Variants in CCDC127 observed in about 807,000 individuals in gnomAD.
CCDC127 encodes the protein coiled-coil domain-containing protein 127.
A neutral mutation model predicts 4.1 loss-of-function variants in CCDC127; 2 were observed. The ratio of observed to expected loss-of-function variants is 0.49; its 90% CI spans 0.20 to 1.53. CCDC127 has a LOEUF of 1.53. Among genes scored for constraint, CCDC127 ranks in the 40% most tolerant of loss-of-function variants. The probability of loss-of-function intolerance (pLI) is 0.23; values close to 1 mark genes in which losing one functional copy is unlikely to be tolerated. For synonymous variants in CCDC127, 98 were observed against 120.4 expected, an observed-to-expected ratio of 0.81 and a Z score of 1.22; for missense variants, 271 against 322.9, an observed-to-expected ratio of 0.84 and a Z score of 1.23.
Position 197,453 on chromosome 5 carries a change from G to A in CCDC127, c.*7844C>T, listed in dbSNP as rs1733983024. On this transcript the variant is annotated 3_prime_UTR_variant, in exon 3 of 3. Transcript: ENST00000296824. ...ACCGTGGACAATACCCGGCTTTCAA[G>A]GGCAGAGGTCCCTGCGGCTTTCCGC... The A allele has an allele frequency of 6.6e-6, 1 of 152,254 alleles. No homozygotes were observed. Among genetic ancestry groups the A allele is most frequent in the African/African-American group, 2.4e-5 (1 of 41,448 alleles). The allele number at this position is 152,254 out of a possible 1,614,324, so 9.4% of individuals were successfully genotyped here.
intron 2 of CCDC127, among the ~76,000 whole-genome samples, chr5:207,822 A>T (rs1274336530): frequency 1.3e-5 from 2 of 152,164 alleles, no homozygotes; most frequent in African/African-American, 4.8e-5. Flanking sequence ...CCGAATCAAG[A>T]GGAGACAGGG....
At position 196,941 on chromosome 5, in the gene CCDC127, A is replaced by C. The variant is rs1733955784; in HGVS notation, c.*8356T>G. On this transcript the variant is annotated 3_prime_UTR_variant, in exon 3 of 3. Transcript: ENST00000296824. Reference sequence around the variant, plus strand: ...GGACCTGCACTGGCACCGGCCTCTGAGTTCCCTCAGTTTTTATTATTATTT... The same window carrying C: ...GGACCTGCACTGGCACCGGCCTCTGCGTTCCCTCAGTTTTTATTATTATTT... The C allele has an allele frequency of 4.0e-5, 3 of 75,840 alleles. No individual in the cohort carries two copies. Among genetic ancestry groups the C allele is most frequent in the African/African-American group, 1.2e-4 (3 of 24,934 alleles). 4.7% of individuals were successfully genotyped at this position (75,840 alleles called of 1,614,324 possible). A position where few individuals can be genotyped will look rare whatever the true frequency, so the allele number is the denominator to read the frequency against.
At chr5:213,894 G>A (rs752848337) in intron 2 of CCDC127, 3 of 152,178 alleles carry the variant, frequency 2.0e-5, no homozygotes, top group Non-Finnish European at 4.4e-5. Context: ...ACCTACACAA[G>A]AATGTTTATA....
At chr5:213,892 A>T (rs1006867396) in intron 2 of CCDC127, 1 of 152,242 alleles carries the variant, frequency 6.6e-6, no homozygotes, top group Admixed American at 6.5e-5. Context: ...AAACCTACAC[A>T]AGAATGTTTA....
intron 2 of CCDC127, chr5:215,876 A>G (rs1274677039): frequency 1.3e-5 from 2 of 152,174 alleles, no homozygotes; most frequent in African/African-American, 2.4e-5. Context: ...ACTCCTCTGC[A>G]TCAGTGAATT....
At chr5:216,460 C>A (rs1428984007) in intron 2 of CCDC127, 1 of 235,096 alleles carries the variant, frequency 4.3e-6, no homozygotes, top group Non-Finnish European at 8.9e-6. Flanking sequence ...TTAAAACCCA[C>A]CCCACACAAA....
intron 2 of CCDC127, chr5:214,080 C>T (rs371777295): frequency 3.3e-4 from 51 of 152,290 alleles, no homozygotes; most frequent in African/African-American, 1.1e-3. Flanking sequence ...TGAAAAAAGT[C>T]AACCCGAAAG....
At chr5:208,875 G>A (rs1040414059) in intron 2 of CCDC127, among the ~76,000 whole-genome samples, 2 of 152,210 alleles carry the variant, frequency 1.3e-5, no homozygotes, top group Admixed American at 1.3e-4. Context: ...AGTACCAAGG[G>A]CCAGGACGGG....
intron 2 of CCDC127, among the ~76,000 whole-genome samples, chr5:207,609 T>C (rs1234876320): frequency 1.3e-5 from 2 of 152,118 alleles, no homozygotes; most frequent in Non-Finnish European, 2.9e-5. Flanking sequence ...AGGAGCCGGA[T>C]GTGCCTGGGG....
At position 205,744 on chromosome 5, in the gene CCDC127, C is replaced by G. The variant is rs1326839063; in HGVS notation, c.336G>C (p.Lys112Asn). 7 of 1,614,202 alleles carry G rather than the reference C, an allele frequency of 4.3e-6. No homozygotes were observed. Among genetic ancestry groups the G allele is most frequent in the African/African-American group, 1.3e-5 (1 of 75,042 alleles). The change falls in exon 3 of 3, where the codon AAG becomes AAC. Residue 112 changes from lysine (K) to asparagine (N), a missense_variant. Lys to Asn is a moderately conservative substitution (Grantham distance 94). This residue lies in a region of CCDC127 where 265 missense variants were observed against 270.9 expected (regional missense o/e 0.98). Coordinates refer to ENST00000296824, the MANE Select transcript of CCDC127 (RefSeq NM_145265.3). ...YREALISQGR[K>N]LVEEKKLLEQ... ...CCAGAAGCTTCTTTTCTTCTACCAA[C>G]TTGCGTCCCTGAGAGATAAGGGCTT...
chr5:208,136 T>C, intron 2 of CCDC127, among the ~76,000 whole-genome samples: 1 of 152,174 alleles, frequency 6.6e-6, no homozygotes, highest in East Asian at 1.9e-4. Flanking sequence ...GTGAGACTCC[T>C]GCTTCTGGGA....
chr5:217,491 T>C (rs1734435932), intron 1 of CCDC127, among the ~76,000 whole-genome samples: 1 of 152,178 alleles, frequency 6.6e-6, no homozygotes, highest in Non-Finnish European at 1.5e-5. Flanking sequence ...GTATCAAAGA[T>C]ACAGAATCAA....
chr5:213,622 G>A (rs536170395), intron 2 of CCDC127, among the ~76,000 whole-genome samples: 97 of 150,288 alleles, frequency 6.5e-4, no homozygotes, highest in African/African-American at 2.3e-3. Context: ...GCTGATGCTC[G>A]ACATTGCACG....
chr5:205,852 G>A lies in CCDC127; in HGVS notation c.228C>T (p.Ala76=), dbSNP rs145452150. The change falls in exon 3 of 3, where the codon GCC becomes GCT. Residue 76 remains alanine, a synonymous_variant. Coordinates refer to ENST00000296824, the MANE Select transcript of CCDC127 (RefSeq NM_145265.3). The part of the protein sequence containing the change: ...FQQDLEAKYH[A]MISENRRAVA... ...CAGCACGCCGATTTTCTGAGATCAT[G>A]GCGTGGTACTTGGCTTCCAGATCCT... 1.2e-6 allele frequency: 2 copies of A among 1,614,158 alleles called. No homozygotes were observed. The highest frequency in any genetic ancestry group is 3.3e-5 in the Admixed American group (2 of 60,022).
At chr5:210,331 C>T (rs993731744) in intron 2 of CCDC127, among the ~76,000 whole-genome samples, 3 of 152,024 alleles carry the variant, frequency 2.0e-5, no homozygotes, top group African/African-American at 7.3e-5. Context: ...CTGCAAATGC[C>T]CCTATGAAGA....
Position 214,986 on chromosome 5 carries a change from C to T in CCDC127, c.121+1743G>A, listed in dbSNP as rs1734351366. On this transcript the variant is annotated intron_variant, in intron 2 of 2. Coordinates refer to ENST00000296824, the MANE Select transcript of CCDC127 (RefSeq NM_145265.3). ...GAGGTTGCAGCAAGCCGAGATCGCG[C>T]CACTGCACTCCAGCCTGGCGACAGG... 1.3e-5 allele frequency: 2 copies of T among 151,972 alleles called. 1 individual carries two copies. Among genetic ancestry groups the T allele is most frequent in the Non-Finnish European group, 2.9e-5 (2 of 68,012 alleles). 9.4% of individuals were successfully genotyped at this position (151,972 alleles called of 1,614,324 possible). A position where few individuals can be genotyped will look rare whatever the true frequency, so the allele number is the denominator to read the frequency against.
chr5:207,482 C>G (rs1392350858), intron 2 of CCDC127, among the ~76,000 whole-genome samples: 2 of 152,124 alleles, frequency 1.3e-5, no homozygotes, highest in Non-Finnish European at 2.9e-5. Context: ...GAACGGCTTC[C>G]TAAAAAGGTG....
At chr5:212,806 T>C (rs531400971) in intron 2 of CCDC127, among the ~76,000 whole-genome samples, 43 of 3,826 alleles carry the variant, frequency 0.011, 13 homozygotes, top group African/African-American at 0.07. Flanking sequence ...AATGTGAGCA[T>C]GCTGAGATGC....
In CCDC127 at chr5:197,170, C is replaced by A. The variant is rs1261999161; in HGVS notation, c.*8127G>T. On this transcript the variant is annotated 3_prime_UTR_variant, in exon 3 of 3. Coordinates refer to ENST00000296824, the MANE Select transcript of CCDC127 (RefSeq NM_145265.3). ...AAAGAATAACAAGGCAGCATTGCCG[C>A]AAACATGTCTCGCCTCCCGCCACAA... is the stretch of plus-strand genomic sequence containing the variant. 1 of 152,138 alleles carries A rather than the reference C, an allele frequency of 6.6e-6. No individual in the cohort carries two copies. The highest frequency in any genetic ancestry group is 1.5e-5 in the Non-Finnish European group (1 of 68,034). The allele number at this position is 152,138 out of a possible 1,614,324, so 9.4% of individuals were successfully genotyped here.
Sources: allele counts gnomAD v4.1 joint callset (sites outside exome capture counted in the v4.1 genomes callset), GRCh38; gene constraint gnomAD v4.1.1; regional missense constraint gnomAD v4.1.1; transcripts MANE v1.5; gene names NCBI Gene and HGNC (gene_info 2026-07-23, HGNC 2026-07-21).